The following SGCD variants were observed in gnomAD, a reference collection of about 807,000 sequenced individuals.
SGCD encodes the protein delta-sarcoglycan.
A neutral mutation model predicts 36.6 loss-of-function variants in SGCD; 18 were observed. That is an observed-to-expected ratio of 0.49 (90% confidence interval 0.34 to 0.73). SGCD has a LOEUF of 0.73. Among genes scored for constraint, SGCD ranks in the 30% least tolerant of loss-of-function variants. SGCD has a pLI of 0.01. For synonymous variants in SGCD, 133 were observed against 130.6 expected, an observed-to-expected ratio of 1.02 and a Z score of -0.12; for missense variants, 387 against 346.7, an observed-to-expected ratio of 1.12 and a Z score of -0.92.
chr5:156,625,803 GTTGT>G (rs1438011129), intron 6 of SGCD, among the ~76,000 whole-genome samples: 3 of 152,174 alleles, frequency 2.0e-5, no homozygotes, highest in African/African-American at 7.2e-5. Context: ...ATATGTCTAG[GTTGT>G]TTGATGCTTA....
chr5:156,635,020 C>A (rs1762771515), intron 6 of SGCD, among the ~76,000 whole-genome samples: 1 of 151,574 alleles, frequency 6.6e-6, no homozygotes, highest in South Asian at 2.1e-4. Context: ...CCCAGAAGTT[C>A]AAGACCAGCC....
the SGCD span, among the ~76,000 whole-genome samples, chr5:155,735,746 C>T: frequency 3.9e-5 from 6 of 152,162 alleles, no homozygotes; most frequent in South Asian, 4.1e-4. Context: ...ATTTACTGAT[C>T]GGGCAAACTC....
intron 3 of SGCD, among the ~76,000 whole-genome samples, chr5:156,379,394 A>T (rs896974967): frequency 6.6e-6 from 1 of 152,162 alleles, no homozygotes; most frequent in Non-Finnish European, 1.5e-5. Flanking sequence ...AGAGGATCAG[A>T]GGGAGCAGCA....
chr5:156,594,921 A>T lies in SGCD; in HGVS notation c.383-11A>T, dbSNP rs727504584. The T allele has an allele frequency of 6.4e-7, 1 of 1,571,134 alleles. No individual in the cohort carries two copies. The highest frequency in any genetic ancestry group is 1.7e-5 in the Admixed American group (1 of 57,832). ...CTCCTCTCTATCTCTCTATCTCTCT[A>T]TATCTCTCAGGTCCAAAAGCCGTAG... On this transcript the variant is annotated splice_polypyrimidine_tract_variant and intron_variant, in intron 5 of 8. Coordinates refer to ENST00000337851, the MANE Select transcript of SGCD (RefSeq NM_000337.6).
intron 3 of SGCD, among the ~76,000 whole-genome samples, chr5:156,386,401 G>A (rs990924221): frequency 7.9e-5 from 12 of 152,308 alleles, no homozygotes; most frequent in African/African-American, 2.2e-4. Flanking sequence ...TATTAACATA[G>A]CACAAAGTGC....
At chr5:155,921,508 G>C (rs73810349) in intron 1 of SGCD, among the ~76,000 whole-genome samples, 2 of 152,004 alleles carry the variant, frequency 1.3e-5, no homozygotes, top group African/African-American at 4.8e-5. Flanking sequence ...TAGCAGTAGA[G>C]GGGTAGTGGG....
intron 3 of SGCD, among the ~76,000 whole-genome samples, chr5:156,490,051 A>C (rs1581067551): frequency 6.6e-6 from 1 of 152,050 alleles, no homozygotes; most frequent in East Asian, 1.9e-4. Context: ...GATCCGACAC[A>C]AATGCAAGGA....
At chr5:156,114,482 T>C (rs969812342) in intron 1 of SGCD, among the ~76,000 whole-genome samples, 4 of 152,040 alleles carry the variant, frequency 2.6e-5, no homozygotes, top group African/African-American at 9.7e-5. Context: ...TTTTATAAAA[T>C]GCCACATTGT....
chr5:156,059,091 G>T (rs1739284964), intron 1 of SGCD, among the ~76,000 whole-genome samples: 1 of 143,906 alleles, frequency 6.9e-6, no homozygotes, highest in Admixed American at 7.0e-5. Flanking sequence ...CTACAAGTGG[G>T]TATATCATTT....
At chr5:155,805,582 A>G in the SGCD span, among the ~76,000 whole-genome samples, 6 of 152,242 alleles carry the variant, frequency 3.9e-5, no homozygotes, top group African/African-American at 1.4e-4. Context: ...TGCCAGTAGC[A>G]CTACTGCCTC....
chr5:155,802,330 G>A, the SGCD span, among the ~76,000 whole-genome samples: 5 of 152,152 alleles, frequency 3.3e-5, no homozygotes, highest in Non-Finnish European at 7.4e-5. Context: ...TGGTTTTTTG[G>A]TTCCTGGCTC....
At chr5:156,428,725 A>T (rs573910706) in intron 3 of SGCD, among the ~76,000 whole-genome samples, 1 of 152,168 alleles carries the variant, frequency 6.6e-6, no homozygotes, top group African/African-American at 2.4e-5. Context: ...AGAAGTTTGG[A>T]TAAGTTGTGT....
chr5:155,893,719 T>C (rs1288453755), intron 1 of SGCD, among the ~76,000 whole-genome samples: 1 of 152,222 alleles, frequency 6.6e-6, no homozygotes, highest in Non-Finnish European at 1.5e-5. Flanking sequence ...TTAAATAAGA[T>C]GGCACAGTCA....
intron 3 of SGCD, among the ~76,000 whole-genome samples, chr5:156,225,577 T>C (rs757253928): frequency 3.3e-5 from 5 of 152,172 alleles, no homozygotes; most frequent in Non-Finnish European, 7.4e-5. Flanking sequence ...GTCAGCATCC[T>C]TAAGTGCTTG....
At chr5:155,905,051 C>T (rs907289088) in intron 1 of SGCD, among the ~76,000 whole-genome samples, 10 of 152,288 alleles carry the variant, frequency 6.6e-5, no homozygotes, top group African/African-American at 1.9e-4. Flanking sequence ...ACAGTATCTT[C>T]CCTGTCTTTC....
chr5:155,750,144 T>C, the SGCD span, among the ~76,000 whole-genome samples: 1 of 152,194 alleles, frequency 6.6e-6, no homozygotes, highest in Non-Finnish European at 1.5e-5. Flanking sequence ...CTTAGGAGCC[T>C]AACAAGCAAG....
chr5:156,204,424 T>C (rs2127638292), intron 3 of SGCD, among the ~76,000 whole-genome samples: 1 of 151,868 alleles, frequency 6.6e-6, no homozygotes, highest in East Asian at 1.9e-4. Context: ...ATATATAAGG[T>C]ATCCTAGTGA....
chr5:156,397,444 G>A (rs1010052103), intron 3 of SGCD, among the ~76,000 whole-genome samples: 1 of 152,084 alleles, frequency 6.6e-6, no homozygotes, highest in Non-Finnish European at 1.5e-5. Context: ...ACAGGCTCTG[G>A]CTATACTTTT....
At chr5:156,238,190 G>A (rs1433290509) in intron 3 of SGCD, among the ~76,000 whole-genome samples, 4 of 152,092 alleles carry the variant, frequency 2.6e-5, no homozygotes, top group Admixed American at 1.3e-4. Flanking sequence ...CGATCCTTCC[G>A]CCTTAGCCTT....
Sources: gnomAD v4.1 joint callset for allele counts (sites outside exome capture counted in the v4.1 genomes callset) on GRCh38, gnomAD v4.1.1 for gene constraint, MANE v1.5 for transcripts, NCBI Gene and HGNC (gene_info 2026-07-23, HGNC 2026-07-21) for gene names.